PCDH15: variants seen among roughly 807,000 people sequenced by gnomAD.
PCDH15 encodes the protein protocadherin-15.
A neutral mutation model predicts 178.5 loss-of-function variants in PCDH15; 129 were observed. That is an observed-to-expected ratio of 0.72 (90% CI 0.63 to 0.84). The LOEUF is 0.84. Ranked by LOEUF, PCDH15 falls within the 40% of genes least tolerant of loss-of-function variation. The pLI is 0.00. For synonymous variants in PCDH15, 800 were observed against 732.0 expected, an observed-to-expected ratio of 1.09 and a Z score of -1.50; for missense variants, 2,230 against 2,099.9, an observed-to-expected ratio of 1.06 and a Z score of -1.21.
intron 21 of PCDH15, among the ~76,000 whole-genome samples, chr10:53,990,214 C>T (rs1215229547): frequency 1.3e-5 from 2 of 151,926 alleles, no homozygotes; most frequent in Non-Finnish European, 2.9e-5. Flanking sequence ...GTGTTGAAAC[C>T]CCTTTGCAAA....
chr10:54,323,248 G>T (rs2061719097), intron 7 of PCDH15, among the ~76,000 whole-genome samples: 1 of 151,976 alleles, frequency 6.6e-6, no homozygotes, highest in Non-Finnish European at 1.5e-5. Context: ...AAAGGAAATG[G>T]TTATATGCTG....
chr10:54,596,569 G>A (rs1375140404), intron 2 of PCDH15, among the ~76,000 whole-genome samples: 1 of 152,034 alleles, frequency 6.6e-6, no homozygotes, highest in East Asian at 1.9e-4. Flanking sequence ...TAAGTCGACA[G>A]CAACAGGATA....
At chr10:55,197,401 T>C (rs1840122732) in intron 1 of PCDH15, among the ~76,000 whole-genome samples, 1 of 152,096 alleles carries the variant, frequency 6.6e-6, no homozygotes, top group Non-Finnish European at 1.5e-5. Context: ...TTTCTATTGA[T>C]TGCTATGCAA....
chr10:55,621,577 C>G (rs1246750309), intron 2 of PCDH15, among the ~76,000 whole-genome samples: 1 of 152,160 alleles, frequency 6.6e-6, no homozygotes, highest in East Asian at 1.9e-4. Context: ...ACCAGGAACC[C>G]TATGGTTAGC....
rs183538563 is a variant in PCDH15, at chr10:55,554,977, G to A, written c.-156+72648C>T. Among the ~76,000 whole-genome samples the A allele has an allele frequency of 5.8e-3, 888 of 151,958 alleles. 1 individual carries two copies. Among genetic ancestry groups the A allele is most frequent in the Non-Finnish European group, 9.8e-3 (668 of 67,916 alleles). On this transcript the variant is annotated intron_variant, in intron 2 of 5. Transcript: ENST00000613346. ...GTTTTACCCCTGAAAAGGGTTTATGGGTTTGGGAAAGTCTAGAAAAGTTAA... is the reference window on the plus strand; with the variant it reads ...GTTTTACCCCTGAAAAGGGTTTATGAGTTTGGGAAAGTCTAGAAAAGTTAA...
chr10:55,275,114 T>A (rs573597583), intron 1 of PCDH15, among the ~76,000 whole-genome samples: 1 of 152,224 alleles, frequency 6.6e-6, no homozygotes, highest in African/African-American at 2.4e-5. Context: ...TTCTAACATA[T>A]TCTGACCCCT....
intron 2 of PCDH15, among the ~76,000 whole-genome samples, chr10:55,475,040 C>T (rs922474148): frequency 1.3e-5 from 2 of 152,064 alleles, no homozygotes; most frequent in African/African-American, 4.8e-5. Context: ...CGTCTTCGCC[C>T]ATTTTGTGTT....
intron 15 of PCDH15, among the ~76,000 whole-genome samples, chr10:54,124,437 T>G (rs2041821794): frequency 6.6e-6 from 1 of 151,990 alleles, no homozygotes; most frequent in African/African-American, 2.4e-5. Context: ...AAAATGTGAA[T>G]GTACTTAATG....
At chr10:55,218,374 A>T (rs72803806) in intron 1 of PCDH15, among the ~76,000 whole-genome samples, 24,152 of 151,964 alleles carry the variant, frequency 0.16, 2,599 homozygotes, top group Non-Finnish European at 0.24. Flanking sequence ...ATAATATAGA[A>T]TAGAAAAAAT....
intron 23 of PCDH15, 40 bp from the exon 24 acceptor site, chr10:53,941,015 T>A (rs553580539): frequency 7.4e-7 from 1 of 1,358,932 alleles, no homozygotes; most frequent in South Asian, 1.2e-5. Context: ...TTTTTAAATA[T>A]AATTTTTGAT....
intron 1 of PCDH15, among the ~76,000 whole-genome samples, chr10:54,734,477 A>T (rs1459042173): frequency 6.6e-6 from 1 of 151,804 alleles, no homozygotes; most frequent in Non-Finnish European, 1.5e-5. Context: ...TAAGACAACA[A>T]CTTTGGAAAA....
intron 13 of PCDH15, among the ~76,000 whole-genome samples, chr10:54,173,105 G>C (rs1338842060): frequency 6.6e-6 from 1 of 152,104 alleles, no homozygotes; most frequent in Non-Finnish European, 1.5e-5. Flanking sequence ...GGAAACCTCA[G>C]CCTAAACTAC....
intron 17 of PCDH15, among the ~76,000 whole-genome samples, chr10:54,073,490 C>T (rs1010438882): frequency 1.3e-5 from 2 of 152,006 alleles, no homozygotes; most frequent in East Asian, 1.9e-4. Context: ...AAGTTAAATG[C>T]TCAACTTTTA....
rs1349035082 is a variant in PCDH15 at position 53,959,744 on chromosome 10, T to C, written c.3110A>G (p.Gln1037Arg). Reference sequence around the variant, plus strand: ...CAGAAATCAATACCTATATTCCTCCTGTGTGAAGCGTGGGATCTCACCAGG... The same window carrying C: ...CAGAAATCAATACCTATATTCCTCCCGTGTGAAGCGTGGGATCTCACCAGG... Reference protein sequence around the residue: ...LHPGEIPRFTQEEYRPPPVSE... With the variant: ...LHPGEIPRFTREEYRPPPVSE... Residue 1037 changes from glutamine (Q) to arginine (R), a missense_variant, in exon 23 of 38, where the codon CAG becomes CGG. Physicochemically the swap from Gln to Arg is conservative, Grantham distance 43. Coordinates refer to ENST00000644397, the MANE Select transcript of PCDH15 (RefSeq NM_001384140.1). 6.2e-7 allele frequency: 1 copy of C among 1,612,622 alleles called. No homozygotes were observed. The highest frequency in any genetic ancestry group is 1.7e-5 in the Admixed American group (1 of 60,010).
chr10:53,865,844 C>A (rs2079413638), intron 27 of PCDH15, among the ~76,000 whole-genome samples: 1 of 152,086 alleles, frequency 6.6e-6, no homozygotes. Flanking sequence ...ATGTAAAGAA[C>A]AAAAGACAAC....
chr10:53,905,440 T>A (rs2082611861), intron 25 of PCDH15, among the ~76,000 whole-genome samples: 1 of 152,152 alleles, frequency 6.6e-6, no homozygotes, highest in Non-Finnish European at 1.5e-5. Context: ...TTCATGCCAT[T>A]CTCCTGCCTC....
intron 2 of PCDH15, among the ~76,000 whole-genome samples, chr10:55,003,211 A>G (rs979115143): frequency 1.3e-5 from 2 of 152,162 alleles, no homozygotes; most frequent in Non-Finnish European, 2.9e-5. Context: ...CTAAAAAGCA[A>G]CTTATAATTA....
At chr10:55,313,718 T>C (rs7085800) in intron 1 of PCDH15, among the ~76,000 whole-genome samples, 134 of 152,314 alleles carry the variant, frequency 8.8e-4, no homozygotes, top group African/African-American at 2.9e-3. Flanking sequence ...AAATGCTATA[T>C]GCCAGACTTC....
chr10:55,496,304 G>A lies in PCDH15; in HGVS notation c.-156+131321C>T, dbSNP rs1013350539. Among the ~76,000 whole-genome samples the A allele has an allele frequency of 5.9e-5, 9 of 151,712 alleles. No homozygotes were observed. In the South Asian group the frequency reaches 6.2e-4, roughly 10 times the overall value. On this transcript the variant is annotated intron_variant, in intron 2 of 5. Coordinates refer to the PCDH15 transcript ENST00000613346. ...AATAAATAAGCACAAATGCGTGTGC[G>A]TGCGCGTGCACACACACAGACATAG... is the stretch of plus-strand genomic sequence containing the variant.
Sources: allele counts gnomAD v4.1 joint callset (sites outside exome capture counted in the v4.1 genomes callset), GRCh38; gene constraint gnomAD v4.1.1; transcripts MANE v1.5; gene names NCBI Gene and HGNC (gene_info 2026-07-23, HGNC 2026-07-21).